GRM8: variants seen among roughly 807,000 people sequenced by gnomAD.
GRM8 encodes the protein metabotropic glutamate receptor 8.
GRM8 carries 47 observed loss-of-function variants against 87.2 expected under a neutral mutation model. That is an observed-to-expected ratio of 0.54 (90% confidence interval 0.43 to 0.69). The LOEUF is 0.69. Among genes scored for constraint, GRM8 ranks in the 30% least tolerant of loss-of-function variants. The pLI is 0.00. For synonymous variants in GRM8, 396 were observed against 404.5 expected, an observed-to-expected ratio of 0.98 and a Z score of 0.25; for missense variants, 1,019 against 1,139.2, an observed-to-expected ratio of 0.89 and a Z score of 1.52.
intron 2 of GRM8, among the ~76,000 whole-genome samples, chr7:127,161,020 T>C (rs1374524535): frequency 2.0e-5 from 3 of 152,192 alleles, no homozygotes. Flanking sequence ...TTCTGGATGA[T>C]GGGATTAGAG....
At chr7:127,237,371 A>T (rs1798038011) in intron 2 of GRM8, among the ~76,000 whole-genome samples, 1 of 152,238 alleles carries the variant, frequency 6.6e-6, no homozygotes, top group Non-Finnish European at 1.5e-5. Context: ...ATGAGCCCGG[A>T]TATGGCAGAT....
intron 3 of GRM8, among the ~76,000 whole-genome samples, chr7:126,933,298 G>T (rs1183008822): frequency 6.6e-6 from 1 of 152,232 alleles, no homozygotes; most frequent in African/African-American, 2.4e-5. Flanking sequence ...ACAGTCAGGT[G>T]CGAAGAGCAA....
intron 3 of GRM8, among the ~76,000 whole-genome samples, chr7:126,951,488 C>A (rs1327127958): frequency 6.6e-6 from 1 of 151,924 alleles, no homozygotes; most frequent in African/African-American, 2.4e-5. Context: ...ACAAAAATAA[C>A]AAATAAGCCT....
At position 127,165,141 on chromosome 7, in the gene GRM8, GATATATATATATATATAT is replaced by G. The variant is rs3993578; in HGVS notation, c.511-58447_511-58430del. ...GAGGCAGATAATAAACATGTAAACA[GATATATATATATATATAT>G]ATATATATATATATATATATATATA... On this transcript the variant is annotated intron_variant, in intron 2 of 10. Coordinates refer to ENST00000339582, the MANE Select transcript of GRM8 (RefSeq NM_000845.3). Among the ~76,000 whole-genome samples, 222 of 67,428 alleles carry G rather than the reference GATATATATATATATATAT, an allele frequency of 3.3e-3. No individual in the cohort carries two copies. The East Asian group carries it at 0.038, about 12-fold the overall frequency. The allele number at this position is 67,428 out of a possible 152,430, so 44.2% of individuals were successfully genotyped here. A position where few individuals can be genotyped will look rare whatever the true frequency, so the allele number is the denominator to read the frequency against.
chr7:126,996,055 A>G (rs909940118), intron 3 of GRM8, among the ~76,000 whole-genome samples: 1 of 152,174 alleles, frequency 6.6e-6, no homozygotes, highest in African/African-American at 2.4e-5. Flanking sequence ...TGACATACTT[A>G]AAGTACAGAA....
intron 3 of GRM8, among the ~76,000 whole-genome samples, chr7:126,958,534 G>A (rs907533536): frequency 8.5e-5 from 13 of 152,318 alleles, no homozygotes; most frequent in African/African-American, 3.1e-4. Flanking sequence ...CTGGCTGTGC[G>A]CAGTGGCTGG....
intron 2 of GRM8, among the ~76,000 whole-genome samples, chr7:127,183,405 T>C (rs1176535485): frequency 1.3e-5 from 2 of 150,170 alleles, no homozygotes; most frequent in Non-Finnish European, 3.0e-5. Flanking sequence ...AACTGGAAAA[T>C]AGAAAAAAAT....
At chr7:126,668,788 A>C (rs532857349) in intron 7 of GRM8, among the ~76,000 whole-genome samples, 1 of 151,048 alleles carries the variant, frequency 6.6e-6, no homozygotes, top group African/African-American at 2.4e-5. Context: ...TTTTTTTTAG[A>C]TGTTTTACTA....
At chr7:126,888,026 G>A (rs923308285) in intron 6 of GRM8, among the ~76,000 whole-genome samples, 16 of 152,122 alleles carry the variant, frequency 1.1e-4, no homozygotes, top group Non-Finnish European at 4.4e-5. Flanking sequence ...AGAGGGGGTA[G>A]GTGAGCATCC....
At position 126,576,746 on chromosome 7, in the gene GRM8, G is replaced by A. The variant is rs187405566; in HGVS notation, c.1494+32616C>T. On this transcript the variant is annotated intron_variant, in intron 8 of 10. Transcript: ENST00000339582. ...ATTTTCTATTCCTTAAAATGTCAGT[G>A]AGGATCCTGAGCTCCTGAGTTTTAT... 6.6e-5 allele frequency among the ~76,000 whole-genome samples: 10 copies of A among 152,188 alleles called. 1 individual carries two copies. The East Asian group carries it at 1.9e-3, about 29-fold the overall frequency.
intron 2 of GRM8, among the ~76,000 whole-genome samples, chr7:127,207,103 C>T (rs2116603129): frequency 6.6e-6 from 1 of 152,326 alleles, no homozygotes; most frequent in Non-Finnish European, 1.5e-5. Flanking sequence ...TTATTAAACA[C>T]AGGAGGAAGA....
chr7:126,530,927 G>A (rs532578561), intron 9 of GRM8, among the ~76,000 whole-genome samples: 2 of 152,194 alleles, frequency 1.3e-5, no homozygotes, highest in African/African-American at 4.8e-5. Flanking sequence ...TGCTGTCTCA[G>A]CCTCCTGAAC....
intron 1 of GRM8, among the ~76,000 whole-genome samples, chr7:127,245,136 T>C (rs544535081): frequency 9.9e-5 from 15 of 152,242 alleles, no homozygotes; most frequent in Non-Finnish European, 1.9e-4. Context: ...AAAGTCAACC[T>C]GATTTTCTGG....
At chr7:127,215,094 TGA>T (rs1796442367) in intron 2 of GRM8, 2 of 152,224 alleles carry the variant, frequency 1.3e-5, no homozygotes, top group South Asian at 4.1e-4. Flanking sequence ...CATATGTGGT[TGA>T]TTTTAATCTG....
At chr7:126,459,780 G>A (rs1803685038) in intron 9 of GRM8, among the ~76,000 whole-genome samples, 1 of 151,364 alleles carries the variant, frequency 6.6e-6, no homozygotes, top group African/African-American at 2.4e-5. Context: ...CCTATGATAA[G>A]GAGAGTTGAG....
chr7:126,991,858 A>T (rs1388930673), intron 3 of GRM8, among the ~76,000 whole-genome samples: 1 of 152,194 alleles, frequency 6.6e-6, no homozygotes, highest in Non-Finnish European at 1.5e-5. Flanking sequence ...CTTCCCCAAG[A>T]AAAATTAAGT....
chr7:126,634,764 C>G (rs955116381), intron 7 of GRM8, among the ~76,000 whole-genome samples: 1 of 152,052 alleles, frequency 6.6e-6, no homozygotes, highest in Non-Finnish European at 1.5e-5. Context: ...TCCTTATTTG[C>G]AGACGTTATG....
In GRM8 at chr7:126,439,038, C is replaced by T. The variant is rs1801147639; in HGVS notation, c.*81G>A. On this transcript the variant is annotated 3_prime_UTR_variant, in exon 11 of 11. Transcript: ENST00000339582. Reference sequence around the variant, plus strand: ...GATTGATTGTAGTCTACGGAGATCTCCAGGAGTGAATTTTTGCGGTCTCAT... The same window carrying T: ...GATTGATTGTAGTCTACGGAGATCTTCAGGAGTGAATTTTTGCGGTCTCAT... 1.2e-6 allele frequency: 1 copy of T among 840,142 alleles called. No homozygotes were observed. The highest frequency in any genetic ancestry group is 2.1e-6 in the Non-Finnish European group (1 of 476,114). 52.0% of individuals were successfully genotyped at this position (840,142 alleles called of 1,614,324 possible).
intron 3 of GRM8, among the ~76,000 whole-genome samples, chr7:127,017,586 C>A (rs1417826913): frequency 1.3e-5 from 2 of 152,050 alleles, no homozygotes; most frequent in Non-Finnish European, 2.9e-5. Context: ...AAGGTGTCAT[C>A]TTTTTCAGAG....
Sources: gnomAD v4.1 joint callset for allele counts (sites outside exome capture counted in the v4.1 genomes callset) on GRCh38, gnomAD v4.1.1 for gene constraint, MANE v1.5 for transcripts, NCBI Gene and HGNC (gene_info 2026-07-23, HGNC 2026-07-21) for gene names.